Variants in CD58 observed in about 807,000 individuals in gnomAD.
CD58 encodes the protein lymphocyte function-associated antigen 3.
CD58 carries 14 observed loss-of-function variants against 27.6 expected under a neutral mutation model. The ratio of observed to expected loss-of-function variants is 0.51; its 90% CI spans 0.34 to 0.79. The LOEUF is 0.79. Among genes scored for constraint, CD58 ranks in the 30% least tolerant of loss-of-function variants. The pLI is 0.02. For synonymous variants in CD58, 117 were observed against 103.8 expected (o/e 1.13, Z -0.77); for missense variants, 268 against 301.7 (o/e 0.89, Z 0.83).
intron 3 of CD58, chr1:116,533,903 T>C (rs1312857033): frequency 3.9e-6 from 5 of 1,293,686 alleles, no homozygotes; most frequent in African/African-American, 1.5e-5. Context: ...ATTCTTCTTT[T>C]TACTGCTTTA....
rs1571056199 is a variant in CD58, at chr1:116,519,437, G to C, written c.707-170C>G. ...TTTAAATCAAATCGGCTACAGAGCT[G>C]GTCCAAAGAGTTGTTCAAAAATTGG... On this transcript the variant is annotated intron_variant, in intron 4 of 5. Transcript: ENST00000369489. The surrounding 1 kb of genome is among the most constrained non-coding windows in gnomAD (Gnocchi z 4.7). The C allele has an allele frequency of 2.4e-5, 16 of 669,924 alleles. No individual in the cohort carries two copies. In the South Asian group the frequency reaches 2.6e-4, roughly 11 times the overall value. The allele number at this position is 669,924 out of a possible 1,614,324, so 41.5% of individuals were successfully genotyped here.
chr1:116,539,585 G>C (rs1297984291), intron 2 of CD58, among the ~76,000 whole-genome samples: 2 of 152,226 alleles, frequency 1.3e-5, no homozygotes, highest in Non-Finnish European at 2.9e-5. Context: ...AGAAGTGTTA[G>C]TATTATCTTC....
Position 116,532,917 on chromosome 1 carries a change from A to T in CD58, c.628+3048T>A. 2 of 1,032,334 alleles carry T rather than the reference A, an allele frequency of 1.9e-6. No individual in the cohort carries two copies. Among genetic ancestry groups the T allele is most frequent in the Non-Finnish European group, 2.9e-6 (2 of 695,930 alleles). The allele number at this position is 1,032,334 out of a possible 1,614,324, so 63.9% of individuals were successfully genotyped here. A position where few individuals can be genotyped will look rare whatever the true frequency, so the allele number is the denominator to read the frequency against. ...CCGGAGTCGCGACAGCCGGTCTGCC[A>T]GGCGCCCACCTCCACTTCCTACTGC... On this transcript the variant is annotated intron_variant, in intron 3 of 5. Transcript: ENST00000369489. The surrounding 1 kb of genome is among the most constrained non-coding windows in gnomAD (Gnocchi z 5.1).
At position 116,531,747 on chromosome 1, in the gene CD58, CT is replaced by C. The variant is rs571072562; in HGVS notation, c.628+4217del. ...AAATTGGGACTCATTTGCACTTTTT[CT>C]TTTTTTTCTCCGTGTTTCATAACTT... On this transcript the variant is annotated intron_variant, in intron 3 of 5. Coordinates refer to ENST00000369489, the MANE Select transcript of CD58 (RefSeq NM_001779.3). This position sits in a 1 kb window ranked among gnomAD's most constrained non-coding sequence, Gnocchi z 4.5. 3.9e-5 allele frequency among the ~76,000 whole-genome samples: 6 copies of C among 152,114 alleles called. No individual in the cohort carries two copies. The highest frequency in any genetic ancestry group is 2.1e-4 in the South Asian group (1 of 4,816).
rs1340981171 is a variant in CD58, at chr1:116,552,405, G to C, written c.71-7801C>G. On this transcript the variant is annotated intron_variant, in intron 1 of 5. Transcript: ENST00000369489. This position sits in a 1 kb window ranked among gnomAD's most constrained non-coding sequence, Gnocchi z 4.5. Reference sequence around the variant, plus strand: ...AATGAAAAAGCGTTAAATATTGTGGGAATTACTAAAATGTAACAGAGAGAC... The same window carrying C: ...AATGAAAAAGCGTTAAATATTGTGGCAATTACTAAAATGTAACAGAGAGAC... Among the ~76,000 whole-genome samples, 1 of 152,170 alleles carries C rather than the reference G, an allele frequency of 6.6e-6. No homozygotes were observed. Among genetic ancestry groups the C allele is most frequent in the East Asian group, 1.9e-4 (1 of 5,204 alleles).
intron 1 of CD58, among the ~76,000 whole-genome samples, chr1:116,568,055 CA>C (rs34531651): frequency 0.043 from 3,518 of 81,670 alleles, 64 homozygotes; most frequent in African/African-American, 0.1. Context: ...CTTAAAGTAC[CA>C]AAAAAAAAAA....
At position 116,534,097 on chromosome 1, in the gene CD58, A is replaced by G. The variant is rs1256383710; in HGVS notation, c.628+1868T>C. The G allele has an allele frequency of 1.3e-6, 1 of 789,168 alleles. No homozygotes were observed. The highest frequency in any genetic ancestry group is 2.2e-6 in the Non-Finnish European group (1 of 444,456). The allele number at this position is 789,168 out of a possible 1,614,324, so 48.9% of individuals were successfully genotyped here. A position where few individuals can be genotyped will look rare whatever the true frequency, so the allele number is the denominator to read the frequency against. ...TGAAAAACTGTTATCTGCCATCTGA[A>G]TGTTTTTATCCCCTTGTCTGGTAAA... On this transcript the variant is annotated intron_variant, in intron 3 of 5. Transcript: ENST00000369489. This position sits in a 1 kb window ranked among gnomAD's most constrained non-coding sequence, Gnocchi z 5.3.
chr1:116,549,004 A>G (rs1658294723), intron 1 of CD58, among the ~76,000 whole-genome samples: 1 of 152,182 alleles, frequency 6.6e-6, no homozygotes, highest in South Asian at 2.1e-4. Flanking sequence ...ATGGCGGCAC[A>G]ATGACCAGAA....
intron 1 of CD58, among the ~76,000 whole-genome samples, chr1:116,555,516 T>C (rs916326046): frequency 6.6e-6 from 1 of 152,210 alleles, no homozygotes; most frequent in East Asian, 1.9e-4. Flanking sequence ...AGATTTTCTA[T>C]GCTAGCCAGA....
chr1:116,536,131 A>T lies in CD58; in HGVS notation c.462T>A (p.Leu154=). 1 of 1,613,800 alleles carries T rather than the reference A, an allele frequency of 6.2e-7. No individual in the cohort carries two copies. The highest frequency in any genetic ancestry group is 8.5e-7 in the Non-Finnish European group (1 of 1,179,724). ...IPEHYNSHRG[L]IMYSWDCPME... ...TAGGACAATCCCATGAGTACATTAT[A>T]AGTCCTCGATGGCTGTTGTAATGCT... The change falls in exon 3 of 6, where the codon CTT becomes CTA. Residue 154 remains leucine, a synonymous_variant. Transcript: ENST00000369489. This position sits in a 1 kb window ranked among gnomAD's most constrained non-coding sequence, Gnocchi z 5.4.
rs1027381763 is a variant in CD58 at position 116,524,630 on chromosome 1, T to C, written c.629-2647A>G. The stretch of plus-strand genomic sequence containing the variant: ...TTACAGCTGAATCTCCTTTCTTTCA[T>C]GCCAAACATCCCAATATTCAATAAC... On this transcript the variant is annotated intron_variant, in intron 3 of 5. Coordinates refer to ENST00000369489, the MANE Select transcript of CD58 (RefSeq NM_001779.3). This position sits in a 1 kb window ranked among gnomAD's most constrained non-coding sequence, Gnocchi z 4.6. 1.3e-5 allele frequency among the ~76,000 whole-genome samples: 2 copies of C among 152,246 alleles called. No homozygotes were observed. Among genetic ancestry groups the C allele is most frequent in the South Asian group, 2.1e-4 (1 of 4,834 alleles).
rs910430034 is a variant in CD58 at position 116,534,065 on chromosome 1, C to T, written c.628+1900G>A. On this transcript the variant is annotated intron_variant, in intron 3 of 5. Coordinates refer to ENST00000369489, the MANE Select transcript of CD58 (RefSeq NM_001779.3). The surrounding 1 kb of genome is among the most constrained non-coding windows in gnomAD (Gnocchi z 5.3). ...GCAGCTTCCACGAAATCTGAAGGAA[C>T]CCCATCTGAAAAACTGTTATCTGCC... 2 of 918,722 alleles carry T rather than the reference C, an allele frequency of 2.2e-6. No individual in the cohort carries two copies. Among genetic ancestry groups the T allele is most frequent in the African/African-American group, 1.6e-5 (1 of 61,428 alleles). The allele number at this position is 918,722 out of a possible 1,614,324, so 56.9% of individuals were successfully genotyped here.
intron 2 of CD58, among the ~76,000 whole-genome samples, chr1:116,537,891 T>C (rs576200504): frequency 6.6e-6 from 1 of 152,340 alleles, no homozygotes; most frequent in Admixed American, 6.5e-5. Context: ...AAAAAGAGCA[T>C]TTAAGTAAAT....
At chr1:116,551,929 G>A (rs973085701) in intron 1 of CD58, among the ~76,000 whole-genome samples, 3 of 151,880 alleles carry the variant, frequency 2.0e-5, no homozygotes, top group Non-Finnish European at 2.9e-5. Context: ...TAGTAGAGAC[G>A]GGGTTTCGCC....
intron 2 of CD58, among the ~76,000 whole-genome samples, chr1:116,537,856 T>C (rs920101244): frequency 3.3e-5 from 5 of 152,188 alleles, no homozygotes; most frequent in African/African-American, 1.2e-4. Flanking sequence ...GATAATAAAG[T>C]ATTGATACAT....
Position 116,532,845 on chromosome 1 carries a change from CG to C in CD58, c.628+3119del. 1 of 604,720 alleles carries C rather than the reference CG, an allele frequency of 1.7e-6. No individual in the cohort carries two copies. Among genetic ancestry groups the C allele is most frequent in the Non-Finnish European group, 3.0e-6 (1 of 337,162 alleles). The allele number at this position is 604,720 out of a possible 1,614,324, so 37.5% of individuals were successfully genotyped here. A position where few individuals can be genotyped will look rare whatever the true frequency, so the allele number is the denominator to read the frequency against. On this transcript the variant is annotated intron_variant, in intron 3 of 5. Transcript: ENST00000369489. This position sits in a 1 kb window ranked among gnomAD's most constrained non-coding sequence, Gnocchi z 5.1. Reference sequence around the variant, plus strand: ...GATTAGATGGAGTAAGCGCTGTCGACGGGATTGTGCCGCATGCGGCAAAGAC... The same window carrying C: ...GATTAGATGGAGTAAGCGCTGTCGACGGATTGTGCCGCATGCGGCAAAGAC...
intron 1 of CD58, among the ~76,000 whole-genome samples, chr1:116,564,092 T>A (rs1658855172): frequency 6.6e-6 from 1 of 152,268 alleles, no homozygotes; most frequent in Non-Finnish European, 1.5e-5. Context: ...ACCTCTTGAA[T>A]GCTTTGCTGC....
intron 2 of CD58, among the ~76,000 whole-genome samples, chr1:116,539,230 G>A (rs929393333): frequency 6.6e-6 from 1 of 152,192 alleles, no homozygotes; most frequent in Non-Finnish European, 1.5e-5. Context: ...CCAGGAAGCC[G>A]AGGCTCCCCG....
intron 1 of CD58, among the ~76,000 whole-genome samples, chr1:116,558,840 G>A (rs1485731293): frequency 6.6e-6 from 1 of 152,172 alleles, no homozygotes; most frequent in Non-Finnish European, 1.5e-5. Flanking sequence ...AGCTGTTTGT[G>A]TATTAACTCA....
Sources: allele counts gnomAD v4.1 joint callset (sites outside exome capture counted in the v4.1 genomes callset), GRCh38; gene constraint gnomAD v4.1.1; non-coding constraint Gnocchi (gnomAD v3.1); transcripts MANE v1.5; gene names NCBI Gene and HGNC (gene_info 2026-07-23, HGNC 2026-07-21).